TMEM117: variants seen among roughly 807,000 people sequenced by gnomAD.
TMEM117 encodes transmembrane protein 117.
TMEM117 carries 27 observed loss-of-function variants against 52.4 expected under a neutral mutation model. The ratio of observed to expected loss-of-function variants is 0.51; its 90% CI spans 0.38 to 0.71. The LOEUF (loss-of-function observed/expected upper bound fraction) is 0.71. Among genes scored for constraint, TMEM117 ranks in the 30% least tolerant of loss-of-function variants. The pLI is 0.00. For synonymous variants in TMEM117, 215 were observed against 206.3 expected (o/e 1.04, Z -0.36); for missense variants, 556 against 630.5 (o/e 0.88, Z 1.26).
chr12:43,928,229 G>A (rs756164491), intron 2 of TMEM117, among the ~76,000 whole-genome samples: 9 of 151,962 alleles, frequency 5.9e-5, no homozygotes, highest in Non-Finnish European at 1.0e-4. Flanking sequence ...CCATGCGATT[G>A]CTGTTCAGGG....
At chr12:44,183,567 G>C (rs1265682238) in intron 4 of TMEM117, among the ~76,000 whole-genome samples, 1 of 152,108 alleles carries the variant, frequency 6.6e-6, no homozygotes, top group Non-Finnish European at 1.5e-5. Context: ...CTTCATTAAG[G>C]GGGCTGGGAA....
At chr12:43,850,475 A>G (rs1033873254) in intron 2 of TMEM117, among the ~76,000 whole-genome samples, 3 of 152,156 alleles carry the variant, frequency 2.0e-5, no homozygotes, top group African/African-American at 7.2e-5. Context: ...CAAACTTGCC[A>G]TGTTATCTCA....
At chr12:44,392,540 T>C (rs910826987), downstream of TMEM117, among the ~76,000 whole-genome samples, 4 of 152,126 alleles carry the variant, frequency 2.6e-5, no homozygotes, top group African/African-American at 9.7e-5. Context: ...ATTATTATTA[T>C]ACTTTAAGTT....
At chr12:43,968,115 T>C (rs1216029904) in intron 3 of TMEM117, among the ~76,000 whole-genome samples, 1 of 152,226 alleles carries the variant, frequency 6.6e-6, no homozygotes, top group Admixed American at 6.5e-5. Flanking sequence ...AGACCACATA[T>C]GATATTTATT....
rs59053541 is a variant in TMEM117 at position 44,311,867 on chromosome 12, G to A, written c.768+12128G>A. 4.0e-3 allele frequency among the ~76,000 whole-genome samples: 447 copies of A among 112,092 alleles called. 2 individuals carry two copies. The highest frequency in any genetic ancestry group is 0.018 in the African/African-American group (423 of 23,320). The allele number at this position is 112,092 out of a possible 152,430, so 73.5% of individuals were successfully genotyped here. The stretch of plus-strand genomic sequence containing the variant: ...TATATATGTATATATGTATATATAT[G>A]TATATATATGTATATATGTATATAT... On this transcript the variant is annotated intron_variant, in intron 6 of 7. Transcript: ENST00000266534.
chr12:44,280,347 T>A (rs188621411), intron 5 of TMEM117, among the ~76,000 whole-genome samples: 1 of 152,318 alleles, frequency 6.6e-6, no homozygotes, highest in Non-Finnish European at 1.5e-5. Context: ...ATTCACATAG[T>A]CTAGAAACTG....
chr12:44,239,676 G>C (rs1038818442), intron 5 of TMEM117, among the ~76,000 whole-genome samples: 2 of 151,848 alleles, frequency 1.3e-5, no homozygotes, highest in African/African-American at 4.8e-5. Context: ...TGCTTTTCAC[G>C]CCTGTAGCAT....
intron 5 of TMEM117, among the ~76,000 whole-genome samples, chr12:44,283,772 G>T (rs892240082): frequency 2.0e-5 from 3 of 152,098 alleles, no homozygotes; most frequent in Non-Finnish European, 2.9e-5. Context: ...GAGGACATGA[G>T]ATTTAGAGGA....
At chr12:44,168,506 T>C (rs1046768835) in intron 4 of TMEM117, among the ~76,000 whole-genome samples, 3 of 152,228 alleles carry the variant, frequency 2.0e-5, no homozygotes, top group Non-Finnish European at 4.4e-5. Flanking sequence ...GGCTGTATCG[T>C]AACTCTGTGT....
intron 7 of TMEM117, among the ~76,000 whole-genome samples, chr12:44,380,757 C>T (rs1219310061): frequency 6.6e-6 from 1 of 152,162 alleles, no homozygotes; most frequent in Non-Finnish European, 1.5e-5. Flanking sequence ...AAAGCTTTTC[C>T]TTTCATCTGG....
At chr12:43,870,765 A>T (rs1414770810) in intron 2 of TMEM117, among the ~76,000 whole-genome samples, 1 of 151,986 alleles carries the variant, frequency 6.6e-6, no homozygotes, top group African/African-American at 2.4e-5. Context: ...TTTTCTCCAC[A>T]ACCCCACCAG....
At chr12:43,807,057 A>G in the TMEM117 span, among the ~76,000 whole-genome samples, 3 of 152,230 alleles carry the variant, frequency 2.0e-5, no homozygotes, top group Non-Finnish European at 2.9e-5. Flanking sequence ...TTACTTAAAA[A>G]TCTTTTCCTT....
At chr12:44,177,455 T>C (rs1217527448) in intron 4 of TMEM117, among the ~76,000 whole-genome samples, 1 of 152,186 alleles carries the variant, frequency 6.6e-6, no homozygotes, top group East Asian at 1.9e-4. Flanking sequence ...GGGATATTTA[T>C]TTATTTATAG....
At chr12:44,282,012 G>T (rs1217269282) in intron 5 of TMEM117, among the ~76,000 whole-genome samples, 1 of 152,126 alleles carries the variant, frequency 6.6e-6, no homozygotes, top group African/African-American at 2.4e-5. Context: ...ATTGAATCAC[G>T]GGGGCTGGTC....
chr12:44,261,146 A>G (rs1230537777), intron 5 of TMEM117, among the ~76,000 whole-genome samples: 1 of 152,136 alleles, frequency 6.6e-6, no homozygotes, highest in Admixed American at 6.5e-5. Flanking sequence ...TTAAAAAATC[A>G]ATAATGTCTA....
intron 5 of TMEM117, among the ~76,000 whole-genome samples, chr12:44,284,987 A>G (rs530799496): frequency 6.6e-6 from 1 of 152,242 alleles, no homozygotes; most frequent in Non-Finnish European, 1.5e-5. Flanking sequence ...CAATAAATAC[A>G]ATTATTTCAA....
chr12:43,830,646 G>C, the TMEM117 span, among the ~76,000 whole-genome samples: 1 of 150,004 alleles, frequency 6.7e-6, no homozygotes, highest in Non-Finnish European at 1.5e-5. Context: ...GTTTAGAAAA[G>C]TACCTTTGCC....
At chr12:44,296,083 C>A (rs184400951) in intron 5 of TMEM117, among the ~76,000 whole-genome samples, 5 of 152,250 alleles carry the variant, frequency 3.3e-5, no homozygotes, top group Admixed American at 2.6e-4. Flanking sequence ...CTGGTTCTTA[C>A]AAGGAGCAGA....
chr12:44,312,903 CTTTT>C (rs1246556624), intron 6 of TMEM117, among the ~76,000 whole-genome samples: 1 of 152,002 alleles, frequency 6.6e-6, no homozygotes, highest in Non-Finnish European at 1.5e-5. Context: ...CCTTGTATGT[CTTTT>C]GTTTTTGAGA....
Sources: allele counts gnomAD v4.1 joint callset (sites outside exome capture counted in the v4.1 genomes callset), GRCh38; gene constraint gnomAD v4.1.1; transcripts MANE v1.5; gene names NCBI Gene and HGNC (gene_info 2026-07-23, HGNC 2026-07-21).